Variants in ZC3H12B observed in about 807,000 individuals in gnomAD.
ZC3H12B encodes the protein zinc finger CCCH-type containing 12B.
ZC3H12B carries 7 observed loss-of-function variants against 43.9 expected under a neutral mutation model. The ratio of observed to expected loss-of-function variants is 0.16; its 90% confidence interval spans 0.09 to 0.30. The LOEUF (loss-of-function observed/expected upper bound fraction) is 0.30. ZC3H12B is among the 10% of genes least tolerant of loss of function. The pLI is 1.00. For synonymous variants in ZC3H12B, 222 were observed against 241.7 expected (o/e 0.92, Z 0.76); for missense variants, 475 against 670.2 (o/e 0.71, Z 3.22).
the ZC3H12B span, among the ~76,000 whole-genome samples, chrX:65,350,434 T>C: frequency 8.9e-6 from 1 of 111,838 alleles, no homozygotes. Flanking sequence ...GGATGCTCTC[T>C]CTCACACCTC....
chrX:65,240,516 T>C, the ZC3H12B span, among the ~76,000 whole-genome samples: 2 of 111,801 alleles, frequency 1.8e-5, no homozygotes, highest in Non-Finnish European at 3.8e-5. Context: ...AGAACATGCT[T>C]CTTTAGCTCA....
chrX:65,125,522 G>GT, the ZC3H12B span, among the ~76,000 whole-genome samples: 1 of 111,318 alleles, frequency 9.0e-6, no homozygotes, highest in Admixed American at 9.5e-5. Context: ...TGAATTCATT[G>GT]TTTTTTGTTA....
the ZC3H12B span, among the ~76,000 whole-genome samples, chrX:65,281,394 T>A: frequency 1.8e-5 from 2 of 110,174 alleles, no homozygotes; most frequent in Non-Finnish European, 3.8e-5. Context: ...TCTGGCTGAT[T>A]TTTGTATTTT....
intron 3 of ZC3H12B, among the ~76,000 whole-genome samples, chrX:65,418,282 C>G (rs1427003337): frequency 9.0e-6 from 1 of 111,156 alleles, no homozygotes; most frequent in Admixed American, 9.6e-5. Context: ...GTGTACAATT[C>G]CAATGCTCTA....
At chrX:65,505,761 T>G (rs2068419365) in exon 5 of ZC3H12B, 1 of 112,671 alleles carries the variant, frequency 8.9e-6, no homozygotes, top group African/African-American at 3.2e-5. Flanking sequence ...TCTTGTCACC[T>G]ACAATTCGTC....
chrX:65,195,892 T>G, the ZC3H12B span, among the ~76,000 whole-genome samples: 1 of 112,292 alleles, frequency 8.9e-6, no homozygotes, highest in African/African-American at 3.2e-5. Context: ...GAACCTGGCC[T>G]TTAATCTTTA....
intron 1 of ZC3H12B, among the ~76,000 whole-genome samples, chrX:65,367,487 A>G (rs2066188814): frequency 9.0e-6 from 1 of 111,571 alleles, no homozygotes; most frequent in African/African-American, 3.2e-5. Context: ...CATTTTTTTG[A>G]AATTTGCTTA....
intron 2 of ZC3H12B, among the ~76,000 whole-genome samples, chrX:65,381,861 G>A (rs1298061660): frequency 1.8e-5 from 2 of 111,704 alleles, no homozygotes; most frequent in African/African-American, 3.3e-5. Flanking sequence ...TAGAAGAAAT[G>A]GATAAATTCC....
At chrX:65,410,555 C>T (rs1343739457) in intron 3 of ZC3H12B, among the ~76,000 whole-genome samples, 1 of 111,563 alleles carries the variant, frequency 9.0e-6, no homozygotes, top group Non-Finnish European at 1.9e-5. Flanking sequence ...AGGATATTTG[C>T]ACACCATGCA....
chrX:65,121,584 A>G, the ZC3H12B span, among the ~76,000 whole-genome samples: 1 of 110,671 alleles, frequency 9.0e-6, no homozygotes, highest in East Asian at 2.9e-4. Flanking sequence ...AATTTTGTTG[A>G]TCTTTTCAAA....
chrX:65,275,380 G>C, the ZC3H12B span, among the ~76,000 whole-genome samples: 1 of 112,946 alleles, frequency 8.9e-6, no homozygotes, highest in Non-Finnish European at 1.9e-5. Context: ...ATGTCTCTAG[G>C]TAGGTCAAGC....
chrX:65,450,841 G>GTA (rs202057372), intron 3 of ZC3H12B, among the ~76,000 whole-genome samples: 1 of 73,420 alleles, frequency 1.4e-5, no homozygotes, highest in Non-Finnish European at 2.4e-5. Flanking sequence ...GTGTATATAT[G>GTA]TATATATATA....
the ZC3H12B span, among the ~76,000 whole-genome samples, chrX:65,274,184 C>T: frequency 8.9e-6 from 1 of 111,963 alleles, no homozygotes; most frequent in South Asian, 3.7e-4. Flanking sequence ...ACTGCAAACA[C>T]CTACAGTCCT....
chrX:65,152,228 C>A, the ZC3H12B span, among the ~76,000 whole-genome samples: 2 of 111,372 alleles, frequency 1.8e-5, no homozygotes, highest in Non-Finnish European at 3.8e-5. Flanking sequence ...GAAGTTCTGG[C>A]CAGGGCAATT....
the ZC3H12B span, among the ~76,000 whole-genome samples, chrX:65,103,287 C>T: frequency 9.8e-5 from 11 of 111,841 alleles, no homozygotes; most frequent in African/African-American, 3.6e-4. Flanking sequence ...CAATATTTCT[C>T]CTATTTGCTT....
the ZC3H12B span, among the ~76,000 whole-genome samples, chrX:65,130,673 G>A: frequency 8.9e-6 from 1 of 111,827 alleles, no homozygotes; most frequent in East Asian, 2.8e-4. Flanking sequence ...CATGGAAGAC[G>A]TTATGAAATG....
At chrX:65,181,240 G>T in the ZC3H12B span, among the ~76,000 whole-genome samples, 11 of 111,466 alleles carry the variant, frequency 9.9e-5, no homozygotes, top group Non-Finnish European at 1.7e-4. Context: ...TATACCTTAT[G>T]CAAAAAATTA....
the ZC3H12B span, among the ~76,000 whole-genome samples, chrX:65,068,596 G>T: frequency 1.8e-5 from 2 of 111,676 alleles, no homozygotes; most frequent in African/African-American, 3.3e-5. Flanking sequence ...AGTTGTTGGA[G>T]TTATTATTTT....
chrX:65,284,328 T>C, the ZC3H12B span, among the ~76,000 whole-genome samples: 1 of 108,545 alleles, frequency 9.2e-6, no homozygotes, highest in Non-Finnish European at 1.9e-5. Context: ...CAGTAATAGA[T>C]CTTAATCAGA....
Sources: gnomAD v4.1 joint callset for allele counts (sites outside exome capture counted in the v4.1 genomes callset) on GRCh38, gnomAD v4.1.1 for gene constraint, MANE v1.5 for transcripts, NCBI Gene and HGNC (gene_info 2026-07-23, HGNC 2026-07-21) for gene names.